Variants in SCPEP1 observed in about 807,000 individuals in gnomAD.
SCPEP1 encodes serine carboxypeptidase 1.
A neutral mutation model predicts 63.8 loss-of-function variants in SCPEP1; 51 were observed. The observed-to-expected ratio is 0.80, with a 90% CI of 0.64 to 1.01. SCPEP1 has a LOEUF of 1.01. Ranked by LOEUF, SCPEP1 falls within the 50% of genes least tolerant of loss-of-function variation. The pLI, the probability that SCPEP1 is intolerant of heterozygous loss-of-function variation, is 0.00. For synonymous variants in SCPEP1, 204 were observed against 207.8 expected (o/e 0.98, Z 0.16); for missense variants, 499 against 554.9 (o/e 0.90, Z 1.01).
chr17:56,995,461 C>G, intron 7 of SCPEP1, 46 bp from the exon 8 acceptor site: 2 of 1,595,294 alleles, frequency 1.3e-6, no homozygotes, highest in Non-Finnish European at 1.7e-6. Flanking sequence ...ACCAGATTGA[C>G]GTTCCCAAGT....
chr17:57,006,265 G>A lies in SCPEP1; in HGVS notation c.*30G>A. ...GATGGGGCTGGAGATGAGCTGGTTT[G>A]GCCTTGGGGCACAGAGCTGAGCTGA... On this transcript the variant is annotated 3_prime_UTR_variant, in exon 13 of 13. Coordinates refer to ENST00000262288, the MANE Select transcript of SCPEP1 (RefSeq NM_021626.3). 1.3e-6 allele frequency: 2 copies of A among 1,592,510 alleles called. No homozygotes were observed. The highest frequency in any genetic ancestry group is 1.7e-6 in the Non-Finnish European group (2 of 1,165,986).
rs1334893958 is a variant in SCPEP1 at position 56,997,043 on chromosome 17, C to G, written c.868C>G (p.Gln290Glu). The change falls in exon 9 of 13, where the codon CAG (glutamine) becomes GAG (glutamate). Residue 290 changes from glutamine (Q) to glutamate (E), a missense_variant. Gln to Glu is a conservative substitution (Grantham distance 29). Transcript: ENST00000262288. ...STMESSLEFT[Q>E]SHLVCLCQRH... ...AATGGAGTCGAGTCTAGAATTCACACAGAGCCACCTAGGTGAGTGAACCTT... is the reference window on the plus strand; with the variant it reads ...AATGGAGTCGAGTCTAGAATTCACAGAGAGCCACCTAGGTGAGTGAACCTT... 1.2e-6 allele frequency: 2 copies of G among 1,600,278 alleles called. No individual in the cohort carries two copies. The highest frequency in any genetic ancestry group is 2.7e-5 in the African/African-American group (2 of 74,452).
intron 9 of SCPEP1, chr17:56,997,896 C>G (rs943744269): frequency 1.3e-5 from 2 of 158,098 alleles, no homozygotes; most frequent in Admixed American, 6.0e-5. Context: ...TAAAGCCTCT[C>G]CACTTTCAAT....
chr17:56,997,202 A>G, intron 9 of SCPEP1, 147 bp downstream of exon 9: 1 of 514,316 alleles, frequency 1.9e-6, no homozygotes, highest in Non-Finnish European at 3.5e-6. Flanking sequence ...GTATATTCCC[A>G]GAGTTGTGCA....
chr17:57,001,102 G>A, intron 11 of SCPEP1, 110 bp downstream of exon 11: 2 of 1,151,314 alleles, frequency 1.7e-6, no homozygotes, highest in Non-Finnish European at 2.6e-6. Flanking sequence ...AATGCCAGGT[G>A]GAAGGCCATT....
intron 8 of SCPEP1, chr17:56,995,891 A>AG (rs1911543030): frequency 4.1e-6 from 1 of 243,046 alleles, no homozygotes; most frequent in East Asian, 7.7e-5. Context: ...AAAAAAAAAA[A>AG]AAAGACTGTC....
At position 56,987,772 on chromosome 17, in the gene SCPEP1, T is replaced by C. The variant is rs760409552; in HGVS notation, c.393T>C (p.Tyr131=). The change falls in exon 4 of 13, where the codon TAT becomes TAC. Residue 131 remains tyrosine, a synonymous_variant. Coordinates refer to ENST00000262288, the MANE Select transcript of SCPEP1 (RefSeq NM_021626.3). ...GFSYVNGSGA[Y]AKDLAMVASD... is the part of the protein sequence containing the mutation. ...GTTATGTGAATGGTAGTGGTGCCTA[T>C]GCCAAGGACCTGGCTATGGTGGCTT... 4 of 1,614,172 alleles carry C rather than the reference T, an allele frequency of 2.5e-6. No individual in the cohort carries two copies. The highest frequency in any genetic ancestry group is 2.5e-6 in the Non-Finnish European group (3 of 1,180,012).
chr17:56,997,568 G>A (rs997048962), intron 9 of SCPEP1, among the ~76,000 whole-genome samples: 1 of 152,108 alleles, frequency 6.6e-6, no homozygotes, highest in Non-Finnish European at 1.5e-5. Flanking sequence ...CTCTTTGGCC[G>A]TTCTGGAGAA....
intron 6 of SCPEP1, among the ~76,000 whole-genome samples, chr17:56,993,600 C>T (rs761612719): frequency 7.9e-5 from 12 of 152,184 alleles, no homozygotes; most frequent in Non-Finnish European, 1.0e-4. Flanking sequence ...CCCACCACTA[C>T]GCCTGGCTAA....
intron 12 of SCPEP1, 86 bp downstream of exon 12, chr17:57,002,267 G>A (rs1911762519): frequency 7.1e-7 from 1 of 1,404,648 alleles, no homozygotes; most frequent in Admixed American, 2.0e-5. Context: ...CACTGCCCAG[G>A]TGGGTCTTGT....
At chr17:56,994,724 C>T (rs1911494998) in intron 6 of SCPEP1, among the ~76,000 whole-genome samples, 1 of 152,144 alleles carries the variant, frequency 6.6e-6, no homozygotes, top group African/African-American at 2.4e-5. Context: ...ACTTGCTGGA[C>T]CAGTATCAGG....
chr17:56,986,897 T>C (rs147176414), intron 3 of SCPEP1, among the ~76,000 whole-genome samples: 2 of 152,342 alleles, frequency 1.3e-5, no homozygotes, highest in African/African-American at 4.8e-5. Flanking sequence ...TTGTACATGC[T>C]GTCCTCTTGG....
intron 2 of SCPEP1, among the ~76,000 whole-genome samples, chr17:56,982,514 A>G (rs746655839): frequency 1.3e-5 from 2 of 152,208 alleles, no homozygotes; most frequent in African/African-American, 2.4e-5. Flanking sequence ...CTTGTATGTC[A>G]GCCTGGGGAG....
intron 6 of SCPEP1, 120 bp from the exon 7 acceptor site, chr17:56,994,861 T>G: frequency 1.1e-6 from 1 of 873,364 alleles, no homozygotes; most frequent in Non-Finnish European, 1.9e-6. Flanking sequence ...AGCCTTCCAA[T>G]CCAAAGCCAC....
At chr17:56,994,800 C>T (rs560365578) in intron 6 of SCPEP1, 181 bp from the exon 7 acceptor site, 94 of 540,044 alleles carry the variant, frequency 1.7e-4, no homozygotes, top group South Asian at 3.7e-4. Context: ...TCCCACCTTC[C>T]AGACACTGAG....
At chr17:57,005,565 A>C (rs571195219) in intron 12 of SCPEP1, among the ~76,000 whole-genome samples, 65 of 152,312 alleles carry the variant, frequency 4.3e-4, no homozygotes, top group African/African-American at 1.5e-3. Context: ...CGGGGAGACC[A>C]TATACTCCAA....
At position 57,006,159 on chromosome 17, in the gene SCPEP1, T is replaced by C. The variant is rs1911885113; in HGVS notation, c.1297-14T>C. ...AGCACCAGGAGCACTAACTCAGATG[T>C]TGTTTTTTTCTAGGTTCCTTCTGAC... On this transcript the variant is annotated splice_polypyrimidine_tract_variant and intron_variant, in intron 12 of 12. Transcript: ENST00000262288. The C allele has an allele frequency of 6.2e-7, 1 of 1,605,624 alleles. No homozygotes were observed. The highest frequency in any genetic ancestry group is 1.3e-5 in the African/African-American group (1 of 74,472).
At chr17:57,000,614 C>T (rs1323284119) in intron 10 of SCPEP1, among the ~76,000 whole-genome samples, 1 of 152,176 alleles carries the variant, frequency 6.6e-6, no homozygotes, top group African/African-American at 2.4e-5. Context: ...GTCAATTCCT[C>T]ATTAAAAATG....
chr17:56,994,784 C>T (rs1472963974), intron 6 of SCPEP1, 197 bp from the exon 7 acceptor site: 2 of 520,440 alleles, frequency 3.8e-6, no homozygotes, highest in Non-Finnish European at 7.1e-6. Flanking sequence ...GGCCCCCACA[C>T]CCTTATCCCA....
Sources: allele counts gnomAD v4.1 joint callset (sites outside exome capture counted in the v4.1 genomes callset), GRCh38; gene constraint gnomAD v4.1.1; transcripts MANE v1.5; gene names NCBI Gene and HGNC (gene_info 2026-07-23, HGNC 2026-07-21).